Variants in CATSPERT observed in about 807,000 individuals in gnomAD.
CATSPERT encodes catsper channel auxiliary subunit tau.
At chr2:201,568,455 A>C in the CATSPERT span, among the ~76,000 whole-genome samples, 1 of 152,178 alleles carries the variant, frequency 6.6e-6, no homozygotes, top group African/African-American at 2.4e-5. Flanking sequence ...CTTTATTAGC[A>C]GGTATGGAGA....
At chr2:201,618,538 A>G in the CATSPERT span, among the ~76,000 whole-genome samples, 10 of 130,924 alleles carry the variant, frequency 7.6e-5, no homozygotes, top group Non-Finnish European at 1.6e-4. Context: ...GGGGGGGAAC[A>G]TCACACACCA....
the CATSPERT span, among the ~76,000 whole-genome samples, chr2:201,508,285 G>A: frequency 6.6e-6 from 1 of 152,136 alleles, no homozygotes; most frequent in Non-Finnish European, 1.5e-5. Context: ...CCAAAGGCAG[G>A]AATTTTCTAA....
chr2:201,572,013 G>C, the CATSPERT span: 2 of 1,611,164 alleles, frequency 1.2e-6, no homozygotes, highest in South Asian at 1.1e-5. Context: ...TTTCTGAAGA[G>C]GTTTTAACTG....
chr2:201,547,574 A>G, the CATSPERT span: 1 of 1,547,458 alleles, frequency 6.5e-7, no homozygotes, highest in East Asian at 2.3e-5. Context: ...CTATCCATGT[A>G]TTCAGATTTC....
At chr2:201,611,793 G>T in the CATSPERT span, among the ~76,000 whole-genome samples, 2 of 152,028 alleles carry the variant, frequency 1.3e-5, no homozygotes, top group Non-Finnish European at 2.9e-5. Context: ...TTTTGAAAAT[G>T]TCCTAATATC....
chr2:201,600,698 T>C, the CATSPERT span, among the ~76,000 whole-genome samples: 4 of 151,792 alleles, frequency 2.6e-5, no homozygotes, highest in Non-Finnish European at 5.9e-5. Context: ...ATTCAACTAA[T>C]GTAATAAATA....
chr2:201,548,034 T>G, the CATSPERT span, among the ~76,000 whole-genome samples: 2 of 152,152 alleles, frequency 1.3e-5, no homozygotes, highest in African/African-American at 4.8e-5. Context: ...TACAATAGAC[T>G]GGGTGACTTA....
the CATSPERT span, chr2:201,537,434 AC>A: frequency 1.3e-6 from 2 of 1,588,562 alleles, no homozygotes; most frequent in Non-Finnish European, 1.7e-6. Context: ...AATTTCCCTT[AC>A]CTCATTTGCA....
At chr2:201,535,672 C>T in the CATSPERT span, 1 of 1,192,364 alleles carries the variant, frequency 8.4e-7, no homozygotes, top group South Asian at 4.1e-5. Flanking sequence ...GTTTTTTATC[C>T]TCATTTCTTG....
At chr2:201,567,496 G>A in the CATSPERT span, among the ~76,000 whole-genome samples, 1 of 152,124 alleles carries the variant, frequency 6.6e-6, no homozygotes, top group Non-Finnish European at 1.5e-5. Context: ...GAGAGCCAAA[G>A]GTATAATTTT....
the CATSPERT span, chr2:201,601,784 C>T: frequency 6.2e-7 from 1 of 1,611,998 alleles, no homozygotes; most frequent in Non-Finnish European, 8.5e-7. Context: ...TTACAGTGTT[C>T]TTCTCATCGT....
chr2:201,503,835 C>T, the CATSPERT span, among the ~76,000 whole-genome samples: 1 of 151,892 alleles, frequency 6.6e-6, no homozygotes, highest in Non-Finnish European at 1.5e-5. Flanking sequence ...TAGTTGGGTT[C>T]TTTTAAGATT....
At chr2:201,490,725 TTTTG>T in the CATSPERT span, among the ~76,000 whole-genome samples, 498 of 152,276 alleles carry the variant, frequency 3.3e-3, 1 homozygote, top group Non-Finnish European at 4.6e-3. Context: ...AGAGGAATTT[TTTTG>T]TTTGTTTGTT....
the CATSPERT span, among the ~76,000 whole-genome samples, chr2:201,542,185 CAT>C: frequency 6.5e-4 from 99 of 151,860 alleles, 1 homozygote; most frequent in Middle Eastern, 3.4e-3. Context: ...AAAAAAATCA[CAT>C]GACTTGCTTT....
the CATSPERT span, among the ~76,000 whole-genome samples, chr2:201,520,708 T>G: frequency 6.6e-6 from 1 of 151,842 alleles, no homozygotes; most frequent in Admixed American, 6.6e-5. Context: ...GCCAACATGG[T>G]GAAACCCCAT....
chr2:201,583,906 T>A, the CATSPERT span, among the ~76,000 whole-genome samples: 1 of 152,206 alleles, frequency 6.6e-6, no homozygotes, highest in African/African-American at 2.4e-5. Flanking sequence ...ACTTTAAAAA[T>A]GATTTAACAA....
the CATSPERT span, chr2:201,494,733 A>C: frequency 6.6e-7 from 1 of 1,511,528 alleles, no homozygotes; most frequent in Non-Finnish European, 8.8e-7. Context: ...GAAAAGGATC[A>C]AAACCGTTCT....
chr2:201,589,961 C>G, the CATSPERT span, among the ~76,000 whole-genome samples: 2 of 151,586 alleles, frequency 1.3e-5, no homozygotes, highest in Non-Finnish European at 2.9e-5. Context: ...TAAACGGATA[C>G]TTTTCTTTTT....
the CATSPERT span, among the ~76,000 whole-genome samples, chr2:201,512,906 GA>G: frequency 7.3e-6 from 1 of 136,998 alleles, no homozygotes; most frequent in Non-Finnish European, 1.5e-5. Context: ...ACAGGAAGGG[GA>G]ACATCACACT....
Sources: allele counts gnomAD v4.1 joint callset (sites outside exome capture counted in the v4.1 genomes callset), GRCh38; gene constraint gnomAD v4.1.1; transcripts MANE v1.5; gene names NCBI Gene and HGNC (gene_info 2026-07-23, HGNC 2026-07-21).